Variants in TRIM66 observed in about 807,000 individuals in gnomAD.
TRIM66 encodes tripartite motif containing 66.
A neutral mutation model predicts 148.2 loss-of-function variants in TRIM66; 99 were observed. That is an observed-to-expected ratio of 0.67 (90% CI 0.57 to 0.79). TRIM66 has a LOEUF of 0.79. Among genes scored for constraint, TRIM66 ranks in the 30% least tolerant of loss-of-function variants. The pLI is 0.00. For synonymous variants in TRIM66, 616 were observed against 635.9 expected (o/e 0.97, Z 0.47); for missense variants, 1,666 against 1,697.9 (o/e 0.98, Z 0.33).
intron 7 of TRIM66, among the ~76,000 whole-genome samples, chr11:8,651,443 T>G (rs566203538): frequency 6.6e-6 from 1 of 151,826 alleles, no homozygotes; most frequent in East Asian, 1.9e-4. Flanking sequence ...TCAGGATGAT[T>G]AAAAAAATAA....
chr11:8,652,174 A>T (rs2037415838), intron 6 of TRIM66, among the ~76,000 whole-genome samples: 1 of 151,758 alleles, frequency 6.6e-6, no homozygotes, highest in Admixed American at 6.6e-5. Flanking sequence ...AAACCATGCT[A>T]CTACAGGCCC....
intron 6 of TRIM66, among the ~76,000 whole-genome samples, chr11:8,656,356 A>C (rs941377906): frequency 1.3e-5 from 2 of 152,204 alleles, no homozygotes; most frequent in Non-Finnish European, 2.9e-5. Context: ...TCAGTTAATT[A>C]TTATTCAAAT....
In TRIM66 at chr11:8,646,484, A is replaced by G; in HGVS notation, c.920T>C (p.Leu307Pro). The change falls in exon 11 of 25, where the codon CTG (leucine) becomes CCG (proline). Residue 307 changes from leucine to proline, a missense_variant. Coordinates refer to ENST00000646038, the MANE Select transcript of TRIM66 (RefSeq NM_001388022.1). ...TATTAGCCCATTGGCCTGTTTGTTC[A>G]GCTCATTCATCAGAACCATCTTGGC... ...KMAKMVLMNELNKQANGLIEE... is the reference protein window; with the variant it reads ...KMAKMVLMNEPNKQANGLIEE... 2 of 1,552,248 alleles carry G rather than the reference A, an allele frequency of 1.3e-6. No individual in the cohort carries two copies.
chr11:8,620,057 C>T lies in TRIM66; in HGVS notation c.3740G>A (p.Ser1247Asn), dbSNP rs2034058619. 1.3e-6 allele frequency: 2 copies of T among 1,551,572 alleles called. No individual in the cohort carries two copies. The highest frequency in any genetic ancestry group is 1.7e-6 in the Non-Finnish European group (2 of 1,146,958). ...NLSLPFHEPV[S>N]PLARHYYQII... is the part of the protein sequence containing the mutation. ...CAGCGTGGCCTTCCTTACCAGGGGG[C>T]TGACAGGTTCATGGAAGGGCAGGCT... The change falls in exon 22 of 25, where the codon AGC becomes AAC. Residue 1247 changes from serine to asparagine, a missense_variant. Ser to Asn is a conservative substitution (Grantham distance 46). This residue lies in a region of TRIM66 where 204 missense variants were observed against 231.0 expected (regional missense o/e 0.88). Coordinates refer to ENST00000646038, the MANE Select transcript of TRIM66 (RefSeq NM_001388022.1).
intron 6 of TRIM66, among the ~76,000 whole-genome samples, chr11:8,656,032 T>C (rs778558743): frequency 1.3e-4 from 19 of 151,976 alleles, no homozygotes; most frequent in Non-Finnish European, 2.4e-4. Context: ...GGCCCCAGAG[T>C]GGATCCAAAG....
Position 8,649,857 on chromosome 11 carries a change from C to T in TRIM66, c.475G>A (p.Ala159Thr), listed in dbSNP as rs1338810077. The change falls in exon 8 of 25, where the codon GCA becomes ACA. Residue 159 changes from alanine to threonine, a missense_variant. Around this residue, in one of 3 missense-constraint regions of TRIM66, gnomAD observed 1,431 missense variants for 1,412.4 expected, o/e 1.01. Coordinates refer to ENST00000646038, the MANE Select transcript of TRIM66 (RefSeq NM_001388022.1). ...TTGCAGTAGGTGCAGAGGATATGTG[C>T]TGCCCTCTTCTCCTTGCACTCAGAG... ...NCSECKEKRA[A>T]HILCTYCNRW... The T allele has an allele frequency of 1.3e-6, 2 of 1,551,646 alleles. No individual in the cohort carries two copies. Among genetic ancestry groups the T allele is most frequent in the Admixed American group, 2.0e-5 (1 of 51,008 alleles).
In TRIM66 at chr11:8,671,891, C is replaced by T. The variant is rs181618770; in HGVS notation, c.235G>A (p.Gly79Ser). The stretch of plus-strand genomic sequence containing the variant: ...TGCTGGCAGGATAGGAGATGAGAGC[C>T]CATACCTGGCAGGTCCTGATGGCAC... ...SLCHQDLPGM[G>S]SHLLSCQHLL... Residue 79 changes from glycine (G) to serine (S), a missense_variant, in exon 6 of 25, where the codon GGC becomes AGC. Gly to Ser is a moderately conservative substitution (Grantham distance 56). Coordinates refer to ENST00000646038, the MANE Select transcript of TRIM66 (RefSeq NM_001388022.1). 1 of 1,536,138 alleles carries T rather than the reference C, an allele frequency of 6.5e-7. No homozygotes were observed. The highest frequency in any genetic ancestry group is 1.2e-5 in the South Asian group (1 of 84,060).
chr11:8,656,418 T>C (rs376850468), intron 6 of TRIM66, among the ~76,000 whole-genome samples: 18 of 152,302 alleles, frequency 1.2e-4, no homozygotes, highest in African/African-American at 3.8e-4. Flanking sequence ...CTGAGAAATA[T>C]AGAGACAGGG....
At chr11:8,654,896 T>C (rs1470317612) in intron 6 of TRIM66, among the ~76,000 whole-genome samples, 1 of 152,154 alleles carries the variant, frequency 6.6e-6, no homozygotes, top group Non-Finnish European at 1.5e-5. Flanking sequence ...AGTCTTGCTC[T>C]GTCACCCAGG....
intron 15 of TRIM66, among the ~76,000 whole-genome samples, chr11:8,635,807 C>A (rs963923040): frequency 6.6e-6 from 1 of 152,172 alleles, no homozygotes; most frequent in African/African-American, 2.4e-5. Flanking sequence ...GCTCAGGGAA[C>A]CCTGTTGGCC....
At chr11:8,633,427 G>A (rs543382515) in intron 15 of TRIM66, among the ~76,000 whole-genome samples, 53 of 152,294 alleles carry the variant, frequency 3.5e-4, no homozygotes, top group African/African-American at 1.1e-3. Context: ...CATGGGCCAG[G>A]AGACCTAGAC....
rs1396670085 is a variant in TRIM66 at position 8,638,804 on chromosome 11, C to T, written c.2160G>A (p.Glu720=). Residue 720 remains glutamate, a synonymous_variant, in exon 15 of 25, where the codon GAG becomes GAA. Transcript: ENST00000646038. The part of the protein sequence containing the change: ...SQEETLQATD[E]PPASQGSKPA... ...GCTTTGAGCCCTGAGATGCTGGGGG[C>T]TCATCTGTAGCCTGGAGAAGAAAAT... 3 of 1,551,226 alleles carry T rather than the reference C, an allele frequency of 1.9e-6. No homozygotes were observed. The highest frequency in any genetic ancestry group is 2.0e-5 in the Admixed American group (1 of 50,904).
intron 6 of TRIM66, among the ~76,000 whole-genome samples, chr11:8,669,657 A>C (rs866355397): frequency 0.016 from 2,366 of 151,958 alleles, 71 homozygotes; most frequent in African/African-American, 0.054. Flanking sequence ...AAAAAAAAAA[A>C]AACTCCTTTT....
chr11:8,681,688 T>C (rs745692454), intron 1 of TRIM66, among the ~76,000 whole-genome samples: 2 of 152,102 alleles, frequency 1.3e-5, no homozygotes, highest in Non-Finnish European at 2.9e-5. Context: ...GGTAAGTTCA[T>C]TTATTCACTC....
chr11:8,644,393 C>G (rs1226300197), intron 12 of TRIM66: 1 of 452,910 alleles, frequency 2.2e-6, no homozygotes, highest in Non-Finnish European at 4.4e-6. Flanking sequence ...TACTTTGGTG[C>G]TACTTACCAA....
At chr11:8,618,346 G>A (rs2033869735) in intron 24 of TRIM66, among the ~76,000 whole-genome samples, 1 of 152,334 alleles carries the variant, frequency 6.6e-6, no homozygotes, top group East Asian at 1.9e-4. Flanking sequence ...CCTACACCAA[G>A]GGGCTAAGAA....
intron 6 of TRIM66, among the ~76,000 whole-genome samples, chr11:8,657,949 G>A (rs371577089): frequency 1.3e-5 from 2 of 152,370 alleles, no homozygotes; most frequent in South Asian, 2.1e-4. Flanking sequence ...AGAAGTCAGA[G>A]AAGCGACAGG....
chr11:8,612,328 A>G lies in TRIM66; in HGVS notation c.*5616T>C, dbSNP rs1350029551. On this transcript the variant is annotated 3_prime_UTR_variant, in exon 25 of 25. Transcript: ENST00000646038. ...TCCCTGCCCTGGTCTGGACTCCCCC[A>G]GCTGTGTCCCACCCCTGGAATTCCC... 1 of 152,164 alleles carries G rather than the reference A, an allele frequency of 6.6e-6. No individual in the cohort carries two copies. Among genetic ancestry groups the G allele is most frequent in the Non-Finnish European group, 1.5e-5 (1 of 68,070 alleles). The allele number at this position is 152,164 out of a possible 1,614,324, so 9.4% of individuals were successfully genotyped here. A position where few individuals can be genotyped will look rare whatever the true frequency, so the allele number is the denominator to read the frequency against.
At chr11:8,652,327 A>G (rs929609523) in intron 6 of TRIM66, among the ~76,000 whole-genome samples, 31 of 152,110 alleles carry the variant, frequency 2.0e-4, no homozygotes, top group African/African-American at 7.2e-4. Flanking sequence ...TAAGGTTACC[A>G]CATAGCAGGA....
Sources: gnomAD v4.1 joint callset for allele counts (sites outside exome capture counted in the v4.1 genomes callset) on GRCh38, gnomAD v4.1.1 for gene constraint, gnomAD v4.1.1 regional missense constraint, MANE v1.5 for transcripts, NCBI Gene and HGNC (gene_info 2026-07-23, HGNC 2026-07-21) for gene names.